The following AGPS variants were observed in gnomAD, a reference collection of about 807,000 sequenced individuals.
AGPS encodes alkyldihydroxyacetonephosphate synthase, peroxisomal.
Under a neutral mutation model 90.7 loss-of-function variants are expected in AGPS, and 26 were observed. The ratio of observed to expected loss-of-function variants is 0.29; its 90% CI spans 0.21 to 0.40. The LOEUF (loss-of-function observed/expected upper bound fraction) is 0.40. Ranked by LOEUF, AGPS falls within the 10% of genes least tolerant of loss-of-function variation. The probability of loss-of-function intolerance (pLI) is 1.00; values close to 1 mark genes in which losing one functional copy is unlikely to be tolerated. For missense variants in AGPS, 540 were observed against 816.1 expected, an observed-to-expected ratio of 0.66 and a Z score of 4.12; for synonymous variants, 294 against 285.3, an observed-to-expected ratio of 1.03 and a Z score of -0.31.
intron 8 of AGPS, among the ~76,000 whole-genome samples, chr2:177,455,544 T>C (rs934416118): frequency 5.9e-5 from 9 of 152,122 alleles, no homozygotes; most frequent in African/African-American, 2.2e-4. Context: ...TCTTCCTGCC[T>C]CAGCCTCCTA....
In AGPS at chr2:177,541,874, T is replaced by G. The variant is rs1227421044; in HGVS notation, c.*3679T>G. 6.6e-6 allele frequency: 1 copy of G among 152,202 alleles called. No homozygotes were observed. Among genetic ancestry groups the G allele is most frequent in the Admixed American group, 6.5e-5 (1 of 15,272 alleles). The allele number at this position is 152,202 out of a possible 1,614,324, so 9.4% of individuals were successfully genotyped here. On this transcript the variant is annotated 3_prime_UTR_variant, in exon 20 of 20. Coordinates refer to ENST00000264167, the MANE Select transcript of AGPS (RefSeq NM_003659.4). ...AATCCAGAAAGTGTAAAAGGTTTTCTTAAACTGTTAAAATATAGTGTCTGA... is the reference window on the plus strand; with the variant it reads ...AATCCAGAAAGTGTAAAAGGTTTTCGTAAACTGTTAAAATATAGTGTCTGA...
chr2:177,498,493 TG>T (rs1441127961), intron 13 of AGPS, among the ~76,000 whole-genome samples: 1 of 151,532 alleles, frequency 6.6e-6, no homozygotes, highest in Non-Finnish European at 1.5e-5. Context: ...TCTTTTTTGG[TG>T]TAAAAGTTTC....
At chr2:177,537,010 C>T (rs532825302) in intron 19 of AGPS, among the ~76,000 whole-genome samples, 108 of 152,112 alleles carry the variant, frequency 7.1e-4, no homozygotes, top group Non-Finnish European at 1.4e-3. Flanking sequence ...TCAATTAAAT[C>T]ACTGTTGATG....
intron 14 of AGPS, among the ~76,000 whole-genome samples, chr2:177,502,068 A>G (rs1688576130): frequency 6.6e-6 from 1 of 152,206 alleles, no homozygotes; most frequent in African/African-American, 2.4e-5. Flanking sequence ...TCTTTAAAAT[A>G]TGGCATCCAG....
intron 2 of AGPS, among the ~76,000 whole-genome samples, chr2:177,421,239 A>G (rs113830855): frequency 0.017 from 2,587 of 152,128 alleles, 69 homozygotes; most frequent in African/African-American, 0.057. Flanking sequence ...ATAAAAAGAA[A>G]CTGAGACTAA....
At chr2:177,404,093 C>T (rs117658311) in intron 1 of AGPS, among the ~76,000 whole-genome samples, 2 of 152,288 alleles carry the variant, frequency 1.3e-5, no homozygotes, top group East Asian at 1.9e-4. Flanking sequence ...TGAAAATCAT[C>T]GGAATCTTTG....
intron 10 of AGPS, among the ~76,000 whole-genome samples, chr2:177,480,776 A>T (rs1182955662): frequency 6.6e-6 from 1 of 151,788 alleles, no homozygotes; most frequent in Non-Finnish European, 1.5e-5. Flanking sequence ...TAAAAAATAA[A>T]TTGTATTTTA....
intron 18 of AGPS, 45 bp downstream of exon 18, chr2:177,521,413 T>C: frequency 7.0e-7 from 1 of 1,429,984 alleles, no homozygotes; most frequent in Non-Finnish European, 9.9e-7. Flanking sequence ...TGTTGATTAA[T>C]TTCAATAAAT....
intron 2 of AGPS, among the ~76,000 whole-genome samples, chr2:177,426,059 T>C (rs1307598745): frequency 6.6e-6 from 1 of 152,200 alleles, no homozygotes; most frequent in Admixed American, 6.5e-5. Flanking sequence ...GTGTCTTCTC[T>C]GAGTTCCGTG....
rs1322905189 is a variant in AGPS at position 177,542,997 on chromosome 2, C to T, written c.*4802C>T. The stretch of plus-strand genomic sequence containing the variant: ...GTGGAAACACTGGTAATTCTTTCCA[C>T]AGTGTTGTTTTGGATAATCTGTTCT... On this transcript the variant is annotated 3_prime_UTR_variant, in exon 20 of 20. Coordinates refer to ENST00000264167, the MANE Select transcript of AGPS (RefSeq NM_003659.4). 1 of 152,160 alleles carries T rather than the reference C, an allele frequency of 6.6e-6. No homozygotes were observed. Among genetic ancestry groups the T allele is most frequent in the African/African-American group, 2.4e-5 (1 of 41,432 alleles). The allele number at this position is 152,160 out of a possible 1,614,324, so 9.4% of individuals were successfully genotyped here.
intron 9 of AGPS, among the ~76,000 whole-genome samples, chr2:177,467,538 A>G (rs537116596): frequency 2.6e-5 from 4 of 152,278 alleles, no homozygotes; most frequent in Non-Finnish European, 4.4e-5. Context: ...TTTTGTACCA[A>G]TTGACATTCT....
intron 7 of AGPS, 69 bp from the exon 8 acceptor site, chr2:177,445,477 G>C: frequency 7.5e-7 from 1 of 1,340,556 alleles, no homozygotes; most frequent in Non-Finnish European, 1.1e-6. Context: ...CTTTGAATTA[G>C]GAAGTTATAT....
intron 9 of AGPS, among the ~76,000 whole-genome samples, chr2:177,462,565 G>C (rs1687329779): frequency 6.6e-6 from 1 of 151,918 alleles, no homozygotes; most frequent in African/African-American, 2.4e-5. Context: ...TTTAAGCTTT[G>C]TAGATGTTTC....
chr2:177,394,986 C>T (rs147024398), intron 1 of AGPS, among the ~76,000 whole-genome samples: 1,731 of 152,122 alleles, frequency 0.011, 19 homozygotes, highest in Middle Eastern at 0.041. Flanking sequence ...GGTAAATTTT[C>T]CATAACTTGG....
chr2:177,494,103 T>C (rs1166085735), intron 12 of AGPS, among the ~76,000 whole-genome samples: 1 of 152,186 alleles, frequency 6.6e-6, no homozygotes, highest in East Asian at 1.9e-4. Flanking sequence ...GTTTATAGAA[T>C]TTAAATACCC....
intron 12 of AGPS, among the ~76,000 whole-genome samples, chr2:177,493,491 C>T (rs1048549565): frequency 1.3e-5 from 2 of 152,166 alleles, no homozygotes; most frequent in African/African-American, 4.8e-5. Context: ...GATGCTTGAG[C>T]TAAATCTTCA....
chr2:177,529,896 C>T (rs959664645), intron 19 of AGPS, among the ~76,000 whole-genome samples: 1 of 152,170 alleles, frequency 6.6e-6, no homozygotes, highest in African/African-American at 2.4e-5. Flanking sequence ...CTTTCCTCAC[C>T]TGCAAAATGG....
intron 13 of AGPS, among the ~76,000 whole-genome samples, chr2:177,499,403 G>GT (rs972817636): frequency 1.3e-5 from 2 of 151,634 alleles, no homozygotes; most frequent in Non-Finnish European, 3.0e-5. Flanking sequence ...GAAATAAAGT[G>GT]TTTTTTTCTA....
intron 1 of AGPS, among the ~76,000 whole-genome samples, chr2:177,415,614 G>T (rs1574349819): frequency 6.6e-6 from 1 of 152,178 alleles, no homozygotes; most frequent in South Asian, 2.1e-4. Context: ...TTAAAGTGTT[G>T]CATGATAATG....
Sources: allele counts gnomAD v4.1 joint callset (sites outside exome capture counted in the v4.1 genomes callset), GRCh38; gene constraint gnomAD v4.1.1; transcripts MANE v1.5; gene names NCBI Gene and HGNC (gene_info 2026-07-23, HGNC 2026-07-21).